The following CACNA1D variants were observed in gnomAD, a reference collection of about 807,000 sequenced individuals.
The protein encoded by CACNA1D is voltage-dependent L-type calcium channel subunit alpha-1D.
A neutral mutation model predicts 257.1 loss-of-function variants in CACNA1D; 55 were observed. The observed-to-expected ratio is 0.21, with a 90% CI of 0.17 to 0.27. The LOEUF is 0.27. Ranked by LOEUF, CACNA1D falls within the 10% of genes least tolerant of loss-of-function variation. CACNA1D has a pLI of 1.00. For missense variants in CACNA1D, 1,876 were observed against 2,784.0 expected, an observed-to-expected ratio of 0.67 and a Z score of 7.34; for synonymous variants, 980 against 1,014.9, an observed-to-expected ratio of 0.97 and a Z score of 0.65.
At chr3:53,650,711 C>G in intron 3 of CACNA1D, 68 bp from the exon 4 acceptor site, 1 of 1,517,456 alleles carries the variant, frequency 6.6e-7, no homozygotes, top group East Asian at 2.3e-5. Context: ...AATCTCTGTT[C>G]CTTTTTCTGT....
intron 8 of CACNA1D, chr3:53,679,541 C>T (rs2094409404): frequency 6.6e-6 from 1 of 151,970 alleles, no homozygotes; most frequent in Non-Finnish European, 1.5e-5. Flanking sequence ...ATATCTTGGC[C>T]AACAGAGAAT....
At chr3:53,729,499 G>A (rs1347133613) in intron 15 of CACNA1D, among the ~76,000 whole-genome samples, 2 of 152,016 alleles carry the variant, frequency 1.3e-5, no homozygotes, top group African/African-American at 2.4e-5. Context: ...CACAGAAGGG[G>A]GCCTTCTCAC....
At chr3:53,662,835 A>C in intron 5 of CACNA1D, among the ~76,000 whole-genome samples, 1 of 152,230 alleles carries the variant, frequency 6.6e-6, no homozygotes, top group East Asian at 1.9e-4. Flanking sequence ...TGTAAAAAAT[A>C]TTCACAAAGC....
intron 3 of CACNA1D, chr3:53,530,217 G>A (rs764270640): frequency 6.6e-6 from 1 of 152,198 alleles, no homozygotes; most frequent in Admixed American, 6.5e-5. Context: ...TTAAATAAGC[G>A]GTGGGTGACA....
intron 3 of CACNA1D, among the ~76,000 whole-genome samples, chr3:53,568,488 C>T (rs892442300): frequency 6.6e-6 from 1 of 152,206 alleles, no homozygotes. Flanking sequence ...CGCCCACTGC[C>T]ACATCCCCCT....
chr3:53,677,093 G>T (rs916895964), intron 8 of CACNA1D, among the ~76,000 whole-genome samples: 8 of 152,196 alleles, frequency 5.3e-5, no homozygotes, highest in Non-Finnish European at 1.0e-4. Flanking sequence ...CCCTTTTGAG[G>T]TTTTCATCTT....
Position 53,736,174 on chromosome 3 carries a change from T to C in CACNA1D, c.2751+671T>C, listed in dbSNP as rs149141181. Among the ~76,000 whole-genome samples the C allele has an allele frequency of 1.3e-3, 200 of 151,818 alleles. 1 individual carries two copies. The highest frequency in any genetic ancestry group is 4.5e-3 in the African/African-American group (186 of 41,398). ...GGGCAACATAATGAGACCTAATCTG[T>C]ACAAAAAATAAAAAAAATTAGCTGA... On this transcript the variant is annotated intron_variant, in intron 20 of 47. Transcript: ENST00000350061.
intron 8 of CACNA1D, among the ~76,000 whole-genome samples, chr3:53,697,304 C>A (rs776302542): frequency 6.6e-6 from 1 of 152,174 alleles, no homozygotes; most frequent in Non-Finnish European, 1.5e-5. Flanking sequence ...CATTTTCTGG[C>A]CTCCTGAAGG....
At chr3:53,620,840 C>T (rs1286351523) in intron 3 of CACNA1D, among the ~76,000 whole-genome samples, 1 of 152,160 alleles carries the variant, frequency 6.6e-6, no homozygotes, top group African/African-American at 2.4e-5. Context: ...GTGAAAGCCT[C>T]CAGGAACTTT....
At position 53,718,770 on chromosome 3, in the gene CACNA1D, G is replaced by T. The variant is rs773813678; in HGVS notation, c.1478+382G>T. On this transcript the variant is annotated intron_variant, in intron 10 of 47. Coordinates refer to ENST00000350061, the MANE Select transcript of CACNA1D (RefSeq NM_001128840.3). ...AAGGCCTGATTCTCCTTCCAGCCTG[G>T]GTTTGGCATTTGTGCTTTTGAAGAA... 118 of 1,538,184 alleles carry T rather than the reference G, an allele frequency of 7.7e-5. No individual in the cohort carries two copies. In the Admixed American group the frequency reaches 2.2e-3, roughly 28 times the overall value.
intron 3 of CACNA1D, among the ~76,000 whole-genome samples, chr3:53,534,036 G>A (rs543817798): frequency 6.6e-6 from 1 of 152,308 alleles, no homozygotes; most frequent in Admixed American, 6.5e-5. Context: ...AAGCCACTGA[G>A]TTACCCCGGG....
At chr3:53,561,166 C>T (rs901919860) in intron 3 of CACNA1D, among the ~76,000 whole-genome samples, 2 of 152,150 alleles carry the variant, frequency 1.3e-5, no homozygotes, top group Admixed American at 1.3e-4. Flanking sequence ...GGATTTGTAT[C>T]CAGGCCTGTC....
At position 53,508,947 on chromosome 3, in the gene CACNA1D, C is replaced by T. The variant is rs768870002; in HGVS notation, c.483+7227C>T. Among the ~76,000 whole-genome samples, 87 of 152,240 alleles carry T rather than the reference C, an allele frequency of 5.7e-4. 2 individuals carry two copies. Among genetic ancestry groups the T allele is most frequent in the African/African-American group, 1.7e-3 (72 of 41,524 alleles). ...ACAGATGTGCAGAAGGGAGGGGTGTCGGCGGGTGTCCCTGCCCCAGCAAGG... is the reference window on the plus strand; with the variant it reads ...ACAGATGTGCAGAAGGGAGGGGTGTTGGCGGGTGTCCCTGCCCCAGCAAGG... On this transcript the variant is annotated intron_variant, in intron 3 of 47. Coordinates refer to ENST00000350061, the MANE Select transcript of CACNA1D (RefSeq NM_001128840.3).
In CACNA1D at chr3:53,495,109, C is replaced by T; in HGVS notation, c.-58C>T. 7.1e-7 allele frequency: 1 copy of T among 1,408,334 alleles called. No individual in the cohort carries two copies. The highest frequency in any genetic ancestry group is 1.0e-6 in the Non-Finnish European group (1 of 1,002,120). The allele number at this position is 1,408,334 out of a possible 1,614,324, so 87.2% of individuals were successfully genotyped here. A position where few individuals can be genotyped will look rare whatever the true frequency, so the allele number is the denominator to read the frequency against. ...GTGATCCCCTTCCCCATTCCGCCCC[C>T]GCCTCAACGCCCAGCACAGTGCCCT... On this transcript the variant is annotated 5_prime_UTR_variant, in exon 1 of 48. Coordinates refer to ENST00000350061, the MANE Select transcript of CACNA1D (RefSeq NM_001128840.3). The surrounding 1 kb of genome is among the most constrained non-coding windows in gnomAD (Gnocchi z 5.1).
intron 40 of CACNA1D, among the ~76,000 whole-genome samples, chr3:53,797,434 C>A (rs1283058865): frequency 6.6e-6 from 1 of 152,172 alleles, no homozygotes; most frequent in Non-Finnish European, 1.5e-5. Context: ...AGAATATAAT[C>A]ATGATTTCTG....
rs557241584 is a variant in CACNA1D, at chr3:53,527,439, C to A, written c.483+25719C>A. ...ATTTATTAGGATTGTATTCTCAAAC[C>A]TTTCCTGCTATTAAAGGAAATGACC... On this transcript the variant is annotated intron_variant, in intron 3 of 47. Transcript: ENST00000350061. Among the ~76,000 whole-genome samples, 3 of 152,326 alleles carry A rather than the reference C, an allele frequency of 2.0e-5. No homozygotes were observed. The South Asian group carries it at 6.2e-4, about 32-fold the overall frequency.
intron 8 of CACNA1D, among the ~76,000 whole-genome samples, chr3:53,674,422 A>G (rs1342691141): frequency 2.0e-5 from 3 of 152,204 alleles, no homozygotes; most frequent in Non-Finnish European, 2.9e-5. Context: ...TCCTTCTCTT[A>G]ATGCAGAGTG....
rs1275601115 is a variant in CACNA1D, at chr3:53,745,887, G to C, written c.3167+12G>C. On this transcript the variant is annotated intron_variant, in intron 25 of 47. Coordinates refer to ENST00000350061, the MANE Select transcript of CACNA1D (RefSeq NM_001128840.3). Reference sequence around the variant, plus strand: ...CCTGAAGAATGCAGGTGAGCGTCCTGAGAGTGGAGTAGGGGACTTAGAAGA... The same window carrying C: ...CCTGAAGAATGCAGGTGAGCGTCCTCAGAGTGGAGTAGGGGACTTAGAAGA... 6.2e-7 allele frequency: 1 copy of C among 1,607,366 alleles called. No individual in the cohort carries two copies. Among genetic ancestry groups the C allele is most frequent in the Non-Finnish European group, 8.5e-7 (1 of 1,173,832 alleles).
rs112204052 is a variant in CACNA1D, at chr3:53,699,725, T to A, written c.1221-2916T>A. ...CTAAATATTCAGCCATTCAGAACTG[T>A]CTAAAATCAGTTCAGAGGGTCTATA... On this transcript the variant is annotated intron_variant, in intron 8 of 47. Transcript: ENST00000350061. 9.8e-5 allele frequency among the ~76,000 whole-genome samples: 15 copies of A among 152,320 alleles called. 1 individual carries two copies. Among genetic ancestry groups the A allele is most frequent in the African/African-American group, 3.6e-4 (15 of 41,572 alleles).
Sources: allele counts gnomAD v4.1 joint callset (sites outside exome capture counted in the v4.1 genomes callset), GRCh38; gene constraint gnomAD v4.1.1; non-coding constraint Gnocchi (gnomAD v3.1); transcripts MANE v1.5; gene names NCBI Gene and HGNC (gene_info 2026-07-23, HGNC 2026-07-21).